The following ARAP2 variants were observed in gnomAD, a reference collection of about 807,000 sequenced individuals.
ARAP2 encodes ArfGAP with RhoGAP domain, ankyrin repeat and PH domain 2.
ARAP2 carries 148 observed loss-of-function variants against 194.5 expected under a neutral mutation model. The ratio of observed to expected loss-of-function variants is 0.76; its 90% CI spans 0.67 to 0.87. The LOEUF is 0.87. Ranked by LOEUF, ARAP2 falls within the 40% of genes least tolerant of loss-of-function variation. The pLI, the probability that ARAP2 is intolerant of heterozygous loss-of-function variation, is 0.00. For missense variants in ARAP2, 2,128 were observed against 1,989.7 expected (o/e 1.07, Z -1.32); for synonymous variants, 695 against 683.5 (o/e 1.02, Z -0.26).
rs566130237 is a variant in ARAP2, at chr4:36,053,628, T to G, written n.322-1575A>C. Among the ~76,000 whole-genome samples the G allele has an allele frequency of 1.7e-4, 26 of 152,318 alleles. No individual in the cohort carries two copies. In the South Asian group the frequency reaches 2.7e-3, roughly 16 times the overall value. ...TCCAAAGATATCAACAATGACACCT[T>G]TCTCATTAAAATAAAAATATTTCAA... On this transcript the variant is annotated intron_variant and non_coding_transcript_variant, in intron 2 of 12. Coordinates refer to the ARAP2 transcript ENST00000503225.
At chr4:36,214,511 G>C (rs931470593) in intron 2 of ARAP2, 31 bp from the exon 3 acceptor site, 2 of 1,458,976 alleles carry the variant, frequency 1.4e-6, no homozygotes, top group African/African-American at 2.8e-5. Flanking sequence ...ATACTTATGA[G>C]TGAAAATATT....
In ARAP2 at chr4:36,121,335, G is replaced by C; in HGVS notation, c.3747-9C>G. Reference sequence around the variant, plus strand: ...CTGAGCATTTCTGAACCCTGTCAGAGAAAAGCATAGTTTATTATGATACAC... The same window carrying C: ...CTGAGCATTTCTGAACCCTGTCAGACAAAAGCATAGTTTATTATGATACAC... On this transcript the variant is annotated splice_polypyrimidine_tract_variant and intron_variant, in intron 22 of 32. Transcript: ENST00000303965. 6.4e-7 allele frequency: 1 copy of C among 1,574,176 alleles called. No homozygotes were observed. Among genetic ancestry groups the C allele is most frequent in the Non-Finnish European group, 8.6e-7 (1 of 1,160,280 alleles).
rs141859860 is a variant in ARAP2 at position 36,212,448 on chromosome 4, C to T, written c.1081G>A (p.Ala361Thr). 6 of 1,612,156 alleles carry T rather than the reference C, an allele frequency of 3.7e-6. No individual in the cohort carries two copies. The African/African-American group carries it at 8.0e-5, about 22-fold the overall frequency. Residue 361 changes from alanine to threonine, a missense_variant, in exon 5 of 33, where the codon GCA (alanine) becomes ACA (threonine). Coordinates refer to ENST00000303965, the MANE Select transcript of ARAP2 (RefSeq NM_015230.4). ...GCAGTAGCTGCTTCCCCTTTGAGTG[C>T]TTCTCCCTGGGTCAAAAATTCATTC... ...IKNEFLTQGEALKGEAATATN... is the reference protein window; with the variant it reads ...IKNEFLTQGETLKGEAATATN...
chr4:36,028,319 T>C (rs1718293489), intron 5 of ARAP2, among the ~76,000 whole-genome samples: 1 of 152,078 alleles, frequency 6.6e-6, no homozygotes, highest in Non-Finnish European at 1.5e-5. Context: ...AGGAACTAAA[T>C]ATGGTGCTAT....
At chr4:36,047,013 C>T (rs959627650) in intron 3 of ARAP2, 1 of 152,226 alleles carries the variant, frequency 6.6e-6, no homozygotes, top group African/African-American at 2.4e-5. Flanking sequence ...GAGATCCCAT[C>T]CATGTTTGCT....
intron 27 of ARAP2, among the ~76,000 whole-genome samples, chr4:36,096,344 G>A (rs1420854162): frequency 2.2e-5 from 3 of 137,592 alleles, no homozygotes; most frequent in East Asian, 2.1e-4. Flanking sequence ...CAGTCTGGGC[G>A]GCAGAGTGAG....
intron 9 of ARAP2, among the ~76,000 whole-genome samples, chr4:36,170,390 C>T (rs1418319073): frequency 1.3e-5 from 2 of 152,194 alleles, no homozygotes; most frequent in East Asian, 1.9e-4. Context: ...GAGTTCAAGA[C>T]CAGCCTGAGC....
intron 6 of ARAP2, chr4:36,209,325 G>T: frequency 2.3e-6 from 1 of 443,790 alleles, no homozygotes; most frequent in South Asian, 1.6e-5. Flanking sequence ...CAAGCAGAGG[G>T]TTTTGTCATC....
At chr4:36,021,556 C>T (rs550477320) in intron 5 of ARAP2, among the ~76,000 whole-genome samples, 20 of 152,166 alleles carry the variant, frequency 1.3e-4, no homozygotes, top group Non-Finnish European at 2.1e-4. Flanking sequence ...CATGAAAGGT[C>T]CAATTCACCT....
chr4:36,114,163 C>A lies in ARAP2; in HGVS notation c.4156+7G>T, dbSNP rs1297886873. ...ATTTAAGAATCCCTAGCATAAAAAT[C>A]ACTTACCTAGCTCTTCATTTTCAAT... On this transcript the variant is annotated splice_region_variant and intron_variant, in intron 26 of 32. Coordinates refer to ENST00000303965, the MANE Select transcript of ARAP2 (RefSeq NM_015230.4). 3.9e-6 allele frequency: 6 copies of A among 1,545,172 alleles called. No homozygotes were observed. Among genetic ancestry groups the A allele is most frequent in the Non-Finnish European group, 5.3e-6 (6 of 1,123,128 alleles).
rs923657194 is a variant in ARAP2 at position 36,118,952 on chromosome 4, C to T, written c.3963+698G>A. Among the ~76,000 whole-genome samples, 4 of 151,318 alleles carry T rather than the reference C, an allele frequency of 2.6e-5. No homozygotes were observed. The East Asian group carries it at 7.8e-4, about 30-fold the overall frequency. On this transcript the variant is annotated intron_variant, in intron 24 of 32. Coordinates refer to ENST00000303965, the MANE Select transcript of ARAP2 (RefSeq NM_015230.4). The stretch of plus-strand genomic sequence containing the variant: ...GTCTGACTAACAAAAAAGCATTTGC[C>T]TCATTATGTATCTGTAAACAGAGCA...
chr4:36,119,772 G>T, intron 23 of ARAP2, 54 bp from the exon 24 acceptor site: 1 of 1,241,964 alleles, frequency 8.1e-7, no homozygotes, highest in South Asian at 1.3e-5. Context: ...GAAGAGTGAT[G>T]ACACTCATCC....
chr4:36,071,717 T>C (rs1726982045), intron 32 of ARAP2, among the ~76,000 whole-genome samples: 1 of 151,034 alleles, frequency 6.6e-6, no homozygotes, highest in Non-Finnish European at 1.5e-5. Context: ...TTTTTTATTA[T>C]ACTTTAAGTT....
chr4:36,164,856 G>A lies in ARAP2; in HGVS notation c.2173+58C>T, dbSNP rs570687241. ...AGGATATATAATATGCAACAATGAA[G>A]AGCATTCAATGCCAATCTGCCACAA... On this transcript the variant is annotated intron_variant, in intron 11 of 32. Transcript: ENST00000303965. 146 of 1,516,558 alleles carry A rather than the reference G, an allele frequency of 9.6e-5. No homozygotes were observed. In the African/African-American group the frequency reaches 1.7e-3, roughly 17 times the overall value. The allele number at this position is 1,516,558 out of a possible 1,614,324, so 93.9% of individuals were successfully genotyped here. A position where few individuals can be genotyped will look rare whatever the true frequency, so the allele number is the denominator to read the frequency against.
At chr4:36,198,395 G>A (rs971387060) in intron 6 of ARAP2, among the ~76,000 whole-genome samples, 3 of 152,210 alleles carry the variant, frequency 2.0e-5, no homozygotes, top group Admixed American at 6.5e-5. Context: ...AGGACTAGCC[G>A]GCCCCTAACC....
At chr4:36,144,928 TA>T (rs1351936823) in intron 19 of ARAP2, among the ~76,000 whole-genome samples, 5 of 151,914 alleles carry the variant, frequency 3.3e-5, no homozygotes, top group Non-Finnish European at 7.4e-5. Context: ...TAATGAATAG[TA>T]AATATGTTTT....
intron 19 of ARAP2, among the ~76,000 whole-genome samples, chr4:36,140,833 CAA>C (rs1414173243): frequency 6.6e-6 from 1 of 151,602 alleles, no homozygotes; most frequent in Non-Finnish European, 1.5e-5. Context: ...AAAATGCAGT[CAA>C]GCTTGGGAGA....
intron 27 of ARAP2, among the ~76,000 whole-genome samples, chr4:36,103,277 C>A (rs910928788): frequency 6.6e-6 from 1 of 151,632 alleles, no homozygotes; most frequent in African/African-American, 2.4e-5. Context: ...ATAAGTATTT[C>A]TCTCCCATTT....
At chr4:36,111,028 A>C (rs1719845389) in intron 26 of ARAP2, among the ~76,000 whole-genome samples, 1 of 151,946 alleles carries the variant, frequency 6.6e-6, no homozygotes, top group Non-Finnish European at 1.5e-5. Context: ...CAGGACAGTA[A>C]AGGGAAGATT....
Sources: allele counts gnomAD v4.1 joint callset (sites outside exome capture counted in the v4.1 genomes callset), GRCh38; gene constraint gnomAD v4.1.1; transcripts MANE v1.5; gene names NCBI Gene and HGNC (gene_info 2026-07-23, HGNC 2026-07-21).